Variants in STIM2 observed in about 807,000 individuals in gnomAD.
The protein encoded by STIM2 is stromal interaction molecule 2.
In STIM2, 31 loss-of-function variants were observed where a neutral mutation model predicts 85.8. The ratio of observed to expected loss-of-function variants is 0.36; its 90% CI spans 0.27 to 0.49. The LOEUF (loss-of-function observed/expected upper bound fraction) is 0.49. Ranked by LOEUF, STIM2 falls within the 20% of genes least tolerant of loss-of-function variation. The pLI is 0.98. For synonymous variants in STIM2, 356 were observed against 331.1 expected (o/e 1.08, Z -0.82); for missense variants, 841 against 927.6 (o/e 0.91, Z 1.21).
intron 3 of STIM2, among the ~76,000 whole-genome samples, chr4:26,978,520 G>A (rs1371821952): frequency 6.6e-6 from 1 of 151,984 alleles, no homozygotes; most frequent in Non-Finnish European, 1.5e-5. Flanking sequence ...GTGTTTCCTA[G>A]AGGCTAGTTC....
At chr4:26,876,908 A>G (rs1253989359) in intron 1 of STIM2, among the ~76,000 whole-genome samples, 1 of 152,126 alleles carries the variant, frequency 6.6e-6, no homozygotes, top group Non-Finnish European at 1.5e-5. Context: ...TCTGTTACAT[A>G]TATACTTTCC....
Position 26,860,933 on chromosome 4 carries a change from T to G in STIM2, c.-286T>G. ...CCTTTCTACCCCCCACCTTTTTTTT[T>G]TTTTTTTTTAAATAACCGGAACCAA... On this transcript the variant is annotated 5_prime_UTR_variant, in exon 1 of 12. Coordinates refer to ENST00000467087, the MANE Select transcript of STIM2 (RefSeq NM_020860.4). The G allele has an allele frequency of 1.7e-6, 2 of 1,166,846 alleles. No homozygotes were observed. The highest frequency in any genetic ancestry group is 3.3e-5 in the South Asian group (2 of 60,364). 72.3% of individuals were successfully genotyped at this position (1,166,846 alleles called of 1,614,324 possible).
At chr4:26,989,625 C>T (rs531662041) in intron 3 of STIM2, among the ~76,000 whole-genome samples, 1 of 152,168 alleles carries the variant, frequency 6.6e-6, no homozygotes, top group Admixed American at 6.5e-5. Flanking sequence ...AATAATTAAG[C>T]AAAAGAAATA....
At chr4:27,021,759 C>T (rs1728921292) in intron 11 of STIM2, 12 of 406,500 alleles carry the variant, frequency 3.0e-5, no homozygotes, top group South Asian at 2.2e-4. Flanking sequence ...CTGGCTGTTG[C>T]AGAGGAAGGA....
intron 3 of STIM2, among the ~76,000 whole-genome samples, chr4:26,986,529 A>G (rs1030524524): frequency 2.0e-5 from 3 of 152,236 alleles, no homozygotes; most frequent in African/African-American, 7.2e-5. Flanking sequence ...CCTTTTACAC[A>G]TGAAAGGAAC....
At chr4:26,877,218 T>A (rs1416736966) in intron 1 of STIM2, among the ~76,000 whole-genome samples, 2 of 152,170 alleles carry the variant, frequency 1.3e-5, no homozygotes, top group African/African-American at 4.8e-5. Context: ...CTGTTTCAGT[T>A]TGGATGACTT....
chr4:26,986,438 A>G lies in STIM2; in HGVS notation c.398-8941A>G, dbSNP rs77589765. 1.9e-3 allele frequency among the ~76,000 whole-genome samples: 283 copies of G among 152,272 alleles called. 1 individual carries two copies. Among genetic ancestry groups the G allele is most frequent in the African/African-American group, 6.5e-3 (270 of 41,544 alleles). ...AAAAGTTATATGGTAGTACTTCACT[A>G]GGCTGTTTTGTATTTTTAGGCTTGT... On this transcript the variant is annotated intron_variant, in intron 3 of 11. Transcript: ENST00000467087.
intron 3 of STIM2, among the ~76,000 whole-genome samples, chr4:26,959,524 T>C (rs1014896926): frequency 6.6e-6 from 1 of 152,158 alleles, no homozygotes; most frequent in African/African-American, 2.4e-5. Context: ...ATTGACTTGC[T>C]CATTATATAT....
intron 1 of STIM2, 120 bp downstream of exon 1, chr4:26,861,489 G>GC: frequency 8.2e-7 from 1 of 1,221,180 alleles, no homozygotes; most frequent in Non-Finnish European, 1.0e-6. Flanking sequence ...AGGGCGCGAT[G>GC]CGGAGCCCTG....
chr4:26,914,572 C>G (rs1724462995), intron 1 of STIM2, among the ~76,000 whole-genome samples: 1 of 152,162 alleles, frequency 6.6e-6, no homozygotes, highest in Non-Finnish European at 1.5e-5. Flanking sequence ...CTAACCTAGA[C>G]TCTGGCATTT....
At chr4:26,931,349 T>C (rs1000507346) in intron 2 of STIM2, among the ~76,000 whole-genome samples, 1 of 152,182 alleles carries the variant, frequency 6.6e-6, no homozygotes, top group African/African-American at 2.4e-5. Context: ...GTGGGTATCA[T>C]TGGGAGCCAT....
At chr4:26,950,476 GGGT>G (rs1380852709) in intron 2 of STIM2, among the ~76,000 whole-genome samples, 1 of 152,102 alleles carries the variant, frequency 6.6e-6, no homozygotes, top group Non-Finnish European at 1.5e-5. Flanking sequence ...TAACAGTGGT[GGGT>G]GGTGGGGCCT....
At chr4:26,979,137 AT>A (rs1458857783) in intron 3 of STIM2, among the ~76,000 whole-genome samples, 1 of 152,216 alleles carries the variant, frequency 6.6e-6, no homozygotes, top group Non-Finnish European at 1.5e-5. Context: ...CTTCCTGGCT[AT>A]TACAGATTTT....
At chr4:26,951,743 A>G (rs1323906079) in intron 2 of STIM2, among the ~76,000 whole-genome samples, 2 of 152,148 alleles carry the variant, frequency 1.3e-5, no homozygotes, top group African/African-American at 4.8e-5. Flanking sequence ...AGTGAATATT[A>G]ACATGAATAT....
At position 27,023,688 on chromosome 4, in the gene STIM2, T is replaced by A. The variant is rs185473621; in HGVS notation, c.*692T>A. 2 of 152,712 alleles carry A rather than the reference T, an allele frequency of 1.3e-5. No homozygotes were observed. The highest frequency in any genetic ancestry group is 3.9e-4 in the East Asian group (2 of 5,192). The allele number at this position is 152,712 out of a possible 1,614,324, so 9.5% of individuals were successfully genotyped here. A position where few individuals can be genotyped will look rare whatever the true frequency, so the allele number is the denominator to read the frequency against. On this transcript the variant is annotated 3_prime_UTR_variant, in exon 12 of 12. Transcript: ENST00000467087. The stretch of plus-strand genomic sequence containing the variant: ...GTTTCAAGTCCCGCTGTAAAGATCA[T>A]GTTGTTTTGTTTTCCCCAGGGCTTT...
chr4:26,976,107 G>A (rs13126880), intron 3 of STIM2, among the ~76,000 whole-genome samples: 30,248 of 152,220 alleles, frequency 0.2, 3,801 homozygotes, highest in Middle Eastern at 0.3. Flanking sequence ...CTTGGGGAAA[G>A]CGCAGTATTT....
At chr4:26,916,374 C>T (rs1018761211) in intron 1 of STIM2, among the ~76,000 whole-genome samples, 4 of 152,276 alleles carry the variant, frequency 2.6e-5, no homozygotes, top group South Asian at 2.1e-4. Context: ...CATCATCTAC[C>T]GTTTCTGTTC....
At chr4:26,889,431 A>G (rs1036804912) in intron 1 of STIM2, among the ~76,000 whole-genome samples, 3 of 152,202 alleles carry the variant, frequency 2.0e-5, no homozygotes, top group Admixed American at 1.3e-4. Flanking sequence ...ATGCTGTGTG[A>G]AGCACCTAGA....
At chr4:26,944,809 G>A (rs562789415) in intron 2 of STIM2, among the ~76,000 whole-genome samples, 11 of 152,114 alleles carry the variant, frequency 7.2e-5, no homozygotes, top group African/African-American at 2.2e-4. Flanking sequence ...AACTCTATGC[G>A]TATGTATTCT....
Sources: gnomAD v4.1 joint callset for allele counts (sites outside exome capture counted in the v4.1 genomes callset) on GRCh38, gnomAD v4.1.1 for gene constraint, MANE v1.5 for transcripts, NCBI Gene and HGNC (gene_info 2026-07-23, HGNC 2026-07-21) for gene names.